PREX2: variants seen among roughly 807,000 people sequenced by gnomAD.
PREX2 encodes the protein phosphatidylinositol 3,4,5-trisphosphate-dependent Rac exchanger 2 protein.
Under a neutral mutation model 203.2 loss-of-function variants are expected in PREX2, and 107 were observed. The observed-to-expected ratio is 0.53, with a 90% CI of 0.45 to 0.62. The LOEUF (loss-of-function observed/expected upper bound fraction) is 0.62, where lower values mean the gene tolerates loss of function less well. Ranked by LOEUF, PREX2 falls within the 20% of genes least tolerant of loss-of-function variation. PREX2 has a pLI of 0.00. For synonymous variants in PREX2, 672 were observed against 663.6 expected, an observed-to-expected ratio of 1.01 and a Z score of -0.19; for missense variants, 1,777 against 1,955.9, an observed-to-expected ratio of 0.91 and a Z score of 1.72.
chr8:68,057,825 C>T (rs968758621), intron 10 of PREX2, among the ~76,000 whole-genome samples: 3 of 152,164 alleles, frequency 2.0e-5, no homozygotes, highest in African/African-American at 7.2e-5. Flanking sequence ...AGTTGACACC[C>T]TGCCTTCTTC....
At chr8:68,045,016 A>G (rs928367691) in intron 8 of PREX2, among the ~76,000 whole-genome samples, 1 of 152,104 alleles carries the variant, frequency 6.6e-6, no homozygotes, top group African/African-American at 2.4e-5. Flanking sequence ...GTTGTTTTTC[A>G]TATAGACAGG....
chr8:68,058,653 T>C (rs1043371082), intron 10 of PREX2, among the ~76,000 whole-genome samples: 2 of 152,140 alleles, frequency 1.3e-5, no homozygotes, highest in African/African-American at 4.8e-5. Context: ...CAGGCTAGTC[T>C]CCAACTCCTG....
chr8:68,047,753 G>T (rs1808412941), intron 8 of PREX2, among the ~76,000 whole-genome samples: 1 of 151,186 alleles, frequency 6.6e-6, no homozygotes, highest in Admixed American at 6.6e-5. Flanking sequence ...CAAATCCTGA[G>T]TATTTTTCTA....
intron 25 of PREX2, among the ~76,000 whole-genome samples, chr8:68,113,802 C>G (rs950050256): frequency 6.6e-6 from 1 of 152,266 alleles, no homozygotes; most frequent in Non-Finnish European, 1.5e-5. Context: ...TGTCTTCTCT[C>G]AGTAGAATTT....
At chr8:68,165,777 AAAGAT>A (rs1811749108) in intron 35 of PREX2, among the ~76,000 whole-genome samples, 1 of 152,178 alleles carries the variant, frequency 6.6e-6, no homozygotes, top group Admixed American at 6.5e-5. Context: ...AGGTATTTCA[AAAGAT>A]CCCCAGTTTT....
intron 25 of PREX2, among the ~76,000 whole-genome samples, chr8:68,115,392 C>T (rs1421166397): frequency 2.0e-5 from 3 of 152,176 alleles, no homozygotes; most frequent in African/African-American, 7.2e-5. Context: ...GAGGTGACAC[C>T]CATTATGCAC....
At chr8:68,147,536 C>T (rs4236958) in intron 34 of PREX2, among the ~76,000 whole-genome samples, 114,385 of 152,052 alleles carry the variant, frequency 0.75, 43,784 homozygotes, top group African/African-American at 0.9. Context: ...GAGACTTGCC[C>T]TTCACCTTCC....
intron 35 of PREX2, among the ~76,000 whole-genome samples, chr8:68,170,534 T>C (rs2129614211): frequency 6.6e-6 from 1 of 152,300 alleles, no homozygotes; most frequent in East Asian, 1.9e-4. Context: ...CTGGTTTACT[T>C]TTTGACCCCA....
At chr8:68,068,136 G>T (rs1290879073) in intron 11 of PREX2, among the ~76,000 whole-genome samples, 1 of 151,916 alleles carries the variant, frequency 6.6e-6, no homozygotes, top group Non-Finnish European at 1.5e-5. Flanking sequence ...TAGGATTTTG[G>T]CATCCATGTT....
At chr8:67,958,656 G>C (rs1805553149) in intron 1 of PREX2, among the ~76,000 whole-genome samples, 1 of 152,108 alleles carries the variant, frequency 6.6e-6, no homozygotes, top group Non-Finnish European at 1.5e-5. Flanking sequence ...TAAAAGAACA[G>C]TAACAGCAGA....
chr8:68,054,490 A>G (rs1245476102), intron 9 of PREX2, among the ~76,000 whole-genome samples: 1 of 152,234 alleles, frequency 6.6e-6, no homozygotes, highest in Non-Finnish European at 1.5e-5. Flanking sequence ...ATGAATAAAG[A>G]CAAATGATAA....
At position 68,233,129 on chromosome 8, in the gene PREX2, G is replaced by A. The variant is rs376273134; in HGVS notation, c.*1751G>A. Reference sequence around the variant, plus strand: ...AAGTCCATATACAATGAAAAACAAGGAACCTAACATCAGAGTTTTCAAGAA... The same window carrying A: ...AAGTCCATATACAATGAAAAACAAGAAACCTAACATCAGAGTTTTCAAGAA... On this transcript the variant is annotated 3_prime_UTR_variant, in exon 40 of 40. Coordinates refer to ENST00000288368, the MANE Select transcript of PREX2 (RefSeq NM_024870.4). The A allele has an allele frequency of 6.6e-6, 1 of 152,104 alleles. No individual in the cohort carries two copies. The highest frequency in any genetic ancestry group is 2.4e-5 in the African/African-American group (1 of 41,424). 9.4% of individuals were successfully genotyped at this position (152,104 alleles called of 1,614,324 possible). A position where few individuals can be genotyped will look rare whatever the true frequency, so the allele number is the denominator to read the frequency against.
intron 7 of PREX2, among the ~76,000 whole-genome samples, chr8:68,038,505 C>T (rs1219860711): frequency 1.3e-5 from 2 of 152,138 alleles, no homozygotes; most frequent in African/African-American, 2.4e-5. Flanking sequence ...TGAAATGTCA[C>T]TGTCATCTGA....
chr8:68,105,546 A>C, intron 23 of PREX2: 2 of 1,131,112 alleles, frequency 1.8e-6, no homozygotes, highest in Non-Finnish European at 2.2e-6. Context: ...ACTTCTTGAC[A>C]TCACCCTATT....
chr8:68,158,560 T>C (rs774241025), intron 35 of PREX2, among the ~76,000 whole-genome samples: 6 of 152,082 alleles, frequency 3.9e-5, no homozygotes, highest in Non-Finnish European at 7.4e-5. Context: ...AGAAATAACA[T>C]TGACAAGTGG....
chr8:68,201,427 C>T (rs1004792942), intron 37 of PREX2, among the ~76,000 whole-genome samples: 4 of 152,006 alleles, frequency 2.6e-5, no homozygotes, highest in Admixed American at 6.6e-5. Flanking sequence ...CACAATAGGC[C>T]GTCTGCAAGC....
At chr8:68,115,345 A>T (rs1378244066) in intron 25 of PREX2, among the ~76,000 whole-genome samples, 1 of 152,066 alleles carries the variant, frequency 6.6e-6, no homozygotes, top group African/African-American at 2.4e-5. Context: ...GAGTATTTTC[A>T]TAAGGTGGTG....
At chr8:68,036,748 C>A (rs1808045126) in intron 6 of PREX2, among the ~76,000 whole-genome samples, 1 of 151,992 alleles carries the variant, frequency 6.6e-6, no homozygotes, top group Admixed American at 6.6e-5. Flanking sequence ...GAGTTTGAGA[C>A]CTGCCTGACC....
chr8:68,007,688 C>A (rs1340935435), intron 1 of PREX2, among the ~76,000 whole-genome samples: 3 of 152,210 alleles, frequency 2.0e-5, no homozygotes, highest in Admixed American at 6.5e-5. Context: ...TGGCTCACTG[C>A]AAGCTCCGCC....
Sources: gnomAD v4.1 joint callset for allele counts (sites outside exome capture counted in the v4.1 genomes callset) on GRCh38, gnomAD v4.1.1 for gene constraint, MANE v1.5 for transcripts, NCBI Gene and HGNC (gene_info 2026-07-23, HGNC 2026-07-21) for gene names.